UBE3D: variants seen among roughly 807,000 people sequenced by gnomAD.
UBE3D encodes the protein E3 ubiquitin-protein ligase E3D.
Under a neutral mutation model 49.6 loss-of-function variants are expected in UBE3D, and 48 were observed. That is an observed-to-expected ratio of 0.97 (90% CI 0.77 to 1.23). The LOEUF (loss-of-function observed/expected upper bound fraction) is 1.23, where lower values mean the gene tolerates loss of function less well. Among genes scored for constraint, UBE3D ranks in the 50% most tolerant of loss-of-function variants. The pLI is 0.00. For synonymous variants in UBE3D, 189 were observed against 174.2 expected (o/e 1.08, Z -0.67); for missense variants, 452 against 468.4 (o/e 0.96, Z 0.32).
the UBE3D span, among the ~76,000 whole-genome samples, chr6:82,881,803 A>C: frequency 6.6e-6 from 1 of 152,190 alleles, no homozygotes; most frequent in Admixed American, 6.5e-5. Context: ...ACCTTAGGTA[A>C]GTTATTGGAT....
At chr6:83,010,179 G>T (rs529463318) in intron 8 of UBE3D, among the ~76,000 whole-genome samples, 7 of 152,018 alleles carry the variant, frequency 4.6e-5, no homozygotes, top group Non-Finnish European at 8.8e-5. Flanking sequence ...ATTTAAATGT[G>T]TATTAAAATT....
intron 9 of UBE3D, among the ~76,000 whole-genome samples, chr6:82,911,193 T>G (rs1772478165): frequency 1.8e-5 from 1 of 56,744 alleles, no homozygotes; most frequent in African/African-American, 1.1e-4. Flanking sequence ...AAGAACATTT[T>G]GGCAAAAAAA....
At chr6:82,888,744 A>G (rs1770932593), downstream of UBE3D, among the ~76,000 whole-genome samples, 1 of 152,242 alleles carries the variant, frequency 6.6e-6, no homozygotes, top group African/African-American at 2.4e-5. Context: ...AGTTTATTCC[A>G]GAATGGAAAT....
intron 9 of UBE3D, among the ~76,000 whole-genome samples, chr6:82,942,361 T>C (rs1478137290): frequency 1.3e-5 from 2 of 152,262 alleles, no homozygotes; most frequent in Admixed American, 6.5e-5. Context: ...GACAATGTGA[T>C]GGAAAACAAA....
At chr6:82,923,124 G>C (rs1229664772) in intron 9 of UBE3D, among the ~76,000 whole-genome samples, 2 of 152,188 alleles carry the variant, frequency 1.3e-5, no homozygotes, top group Admixed American at 1.3e-4. Flanking sequence ...GTGTAAATTA[G>C]TTCAACCATT....
chr6:83,060,318 C>A (rs952213864), intron 1 of UBE3D, among the ~76,000 whole-genome samples: 1 of 152,120 alleles, frequency 6.6e-6, no homozygotes, highest in Non-Finnish European at 1.5e-5. Flanking sequence ...CAATGAGGGC[C>A]ATGATTCTCA....
chr6:83,065,773 C>A lies in UBE3D; in HGVS notation c.-55G>T. 6.5e-7 allele frequency: 1 copy of A among 1,538,120 alleles called. No individual in the cohort carries two copies. The highest frequency in any genetic ancestry group is 1.2e-5 in the South Asian group (1 of 85,046). On this transcript the variant is annotated 5_prime_UTR_variant, in exon 1 of 10. Transcript: ENST00000369747. ...GCTGGAGGTTCCGAGGGGCCCGGGTCAACAGGACCAGGAGAGGTTCCACGT... is the reference window on the plus strand; with the variant it reads ...GCTGGAGGTTCCGAGGGGCCCGGGTAAACAGGACCAGGAGAGGTTCCACGT...
At chr6:82,999,972 G>T (rs933024892) in intron 8 of UBE3D, among the ~76,000 whole-genome samples, 1 of 152,166 alleles carries the variant, frequency 6.6e-6, no homozygotes, top group African/African-American at 2.4e-5. Context: ...TCTCTCAGCA[G>T]CGTTTGACTA....
chr6:82,911,499 T>A (rs886366488), intron 9 of UBE3D, among the ~76,000 whole-genome samples: 2 of 152,212 alleles, frequency 1.3e-5, no homozygotes, highest in African/African-American at 4.8e-5. Flanking sequence ...TAAATTAGAA[T>A]ACTTCTCACA....
At chr6:83,032,057 G>A (rs1781915382) in intron 5 of UBE3D, among the ~76,000 whole-genome samples, 1 of 152,228 alleles carries the variant, frequency 6.6e-6, no homozygotes, top group Admixed American at 6.5e-5. Context: ...AGTGCAGAAG[G>A]GAAAGGTGGG....
chr6:82,904,774 G>A (rs1174814014), intron 9 of UBE3D, among the ~76,000 whole-genome samples: 2 of 152,090 alleles, frequency 1.3e-5, no homozygotes, highest in Non-Finnish European at 2.9e-5. Context: ...CTTAAATAAG[G>A]CTTTTTTTCC....
In UBE3D at chr6:82,892,545, T is replaced by C. The variant is rs1771014490; in HGVS notation, c.*477A>G. 1 of 166,548 alleles carries C rather than the reference T, an allele frequency of 6.0e-6. No homozygotes were observed. Among genetic ancestry groups the C allele is most frequent in the South Asian group, 1.4e-4 (1 of 7,010 alleles). 10.3% of individuals were successfully genotyped at this position (166,548 alleles called of 1,614,324 possible). ...TATTGAGCATCTCCTCTGAATAAAG[T>C]ATAAAATGTTTTCTACTTTTCTTTT... On this transcript the variant is annotated 3_prime_UTR_variant, in exon 10 of 10. Coordinates refer to ENST00000369747, the MANE Select transcript of UBE3D (RefSeq NM_198920.3).
At position 82,944,309 on chromosome 6, in the gene UBE3D, C is replaced by T. The variant is rs545322493; in HGVS notation, c.1149+13003G>A. 9.9e-5 allele frequency among the ~76,000 whole-genome samples: 15 copies of T among 152,262 alleles called. No homozygotes were observed. In the East Asian group the frequency reaches 2.3e-3, roughly 24 times the overall value. ...CAGAGAACTGATCAGGGTTGTGAGGCCCCATTCCAGGCCCTAGCTCCTGGA... is the reference window on the plus strand; with the variant it reads ...CAGAGAACTGATCAGGGTTGTGAGGTCCCATTCCAGGCCCTAGCTCCTGGA... On this transcript the variant is annotated intron_variant, in intron 9 of 9. Transcript: ENST00000369747.
At chr6:83,048,431 T>G (rs938632816) in intron 3 of UBE3D, among the ~76,000 whole-genome samples, 1 of 152,172 alleles carries the variant, frequency 6.6e-6, no homozygotes, top group Non-Finnish European at 1.5e-5. Flanking sequence ...TCTCCATCAT[T>G]AAGATCTTTT....
chr6:83,022,642 G>A (rs536870768), intron 6 of UBE3D, 81 bp from the exon 7 acceptor site: 26 of 983,848 alleles, frequency 2.6e-5, no homozygotes, highest in Non-Finnish European at 3.5e-5. Flanking sequence ...ATACACACAC[G>A]GTACCTAAAA....
chr6:83,013,897 G>A (rs1358593977), intron 8 of UBE3D, among the ~76,000 whole-genome samples: 2 of 152,248 alleles, frequency 1.3e-5, no homozygotes, highest in Non-Finnish European at 2.9e-5. Flanking sequence ...CAGAAGGGAA[G>A]TGATCAGGGT....
chr6:82,947,289 C>G (rs1775475985), intron 9 of UBE3D, among the ~76,000 whole-genome samples: 1 of 151,466 alleles, frequency 6.6e-6, no homozygotes, highest in African/African-American at 2.4e-5. Flanking sequence ...ACTGGAGCAC[C>G]CAGATATGTA....
At chr6:82,915,397 G>A (rs1772845049) in intron 9 of UBE3D, among the ~76,000 whole-genome samples, 1 of 152,132 alleles carries the variant, frequency 6.6e-6, no homozygotes, top group Non-Finnish European at 1.5e-5. Context: ...TCACAGACGG[G>A]GCCTGTATGA....
At chr6:83,063,769 T>C (rs190045885) in intron 1 of UBE3D, among the ~76,000 whole-genome samples, 1 of 152,050 alleles carries the variant, frequency 6.6e-6, no homozygotes, top group Admixed American at 6.6e-5. Flanking sequence ...TTGAAACTCA[T>C]TTTTTTTCTG....
Sources: allele counts gnomAD v4.1 joint callset (sites outside exome capture counted in the v4.1 genomes callset), GRCh38; gene constraint gnomAD v4.1.1; transcripts MANE v1.5; gene names NCBI Gene and HGNC (gene_info 2026-07-23, HGNC 2026-07-21).